Variants in BLK observed in about 807,000 individuals in gnomAD.
The protein encoded by BLK is tyrosine-protein kinase Blk.
BLK carries 64 observed loss-of-function variants against 61.8 expected under a neutral mutation model. That is an observed-to-expected ratio of 1.03 (90% confidence interval 0.85 to 1.27). The LOEUF (loss-of-function observed/expected upper bound fraction) is 1.27, where lower values mean the gene tolerates loss of function less well. BLK is among the 50% of genes most tolerant of loss of function. The pLI, the probability that BLK is intolerant of heterozygous loss-of-function variation, is 0.00. For synonymous variants in BLK, 351 were observed against 272.0 expected, an observed-to-expected ratio of 1.29 and a Z score of -2.86; for missense variants, 853 against 660.5, an observed-to-expected ratio of 1.29 and a Z score of -3.19.
intron 1 of BLK, chr8:11,509,328 A>G (rs1798905637): frequency 6.6e-6 from 1 of 151,986 alleles, no homozygotes; most frequent in Non-Finnish European, 1.5e-5. Context: ...ACCATCCACC[A>G]TCCACAGGGC....
intron 1 of BLK, among the ~76,000 whole-genome samples, chr8:11,522,429 G>T (rs927284813): frequency 6.6e-6 from 1 of 152,116 alleles, no homozygotes; most frequent in Admixed American, 6.5e-5. Context: ...AAATGGGTTC[G>T]ATCGCTTTGG....
At chr8:11,495,053 C>G (rs1252200018) in intron 1 of BLK, among the ~76,000 whole-genome samples, 1 of 152,156 alleles carries the variant, frequency 6.6e-6, no homozygotes, top group African/African-American at 2.4e-5. Flanking sequence ...TTGTTTGTTT[C>G]TGAATGAAGT....
chr8:11,546,696 C>A (rs935417964), intron 3 of BLK, among the ~76,000 whole-genome samples: 6 of 152,344 alleles, frequency 3.9e-5, no homozygotes, highest in African/African-American at 1.4e-4. Context: ...CTGCCTCAGC[C>A]TCCCAAGTAG....
chr8:11,506,991 G>A (rs538510757), intron 1 of BLK, among the ~76,000 whole-genome samples: 4 of 152,222 alleles, frequency 2.6e-5, no homozygotes, highest in East Asian at 1.9e-4. Context: ...CAGAACCATC[G>A]TGAATGGTTC....
intron 2 of BLK, among the ~76,000 whole-genome samples, chr8:11,543,713 C>A (rs1343591780): frequency 6.6e-6 from 1 of 152,176 alleles, no homozygotes; most frequent in Non-Finnish European, 1.5e-5. Context: ...GCTGGCATTC[C>A]AAAGAGCCTG....
intron 1 of BLK, among the ~76,000 whole-genome samples, chr8:11,506,835 T>G (rs754710925): frequency 5.3e-5 from 8 of 152,156 alleles, no homozygotes; most frequent in Non-Finnish European, 8.8e-5. Context: ...GCCCCCCAGG[T>G]GGGACTCTCA....
chr8:11,543,257 G>C lies in BLK; in HGVS notation c.33G>C (p.Lys11Asn), dbSNP rs147642493. 6.2e-7 allele frequency: 1 copy of C among 1,613,996 alleles called. No individual in the cohort carries two copies. The highest frequency in any genetic ancestry group is 1.7e-5 in the Admixed American group (1 of 60,020). The change falls in exon 2 of 13, where the codon AAG becomes AAC. Residue 11 changes from lysine to asparagine, a missense_variant. By Grantham distance (94) the Lys-to-Asn change is moderately conservative. Transcript: ENST00000259089. ...TGGTAAGTAGCAAAAAGCCGGACAA[G>C]GAAAAGCCGATCAAAGAGAAGGACA... MGLVSSKKPD[K>N]EKPIKEKDKG...
intron 3 of BLK, among the ~76,000 whole-genome samples, chr8:11,547,428 C>T (rs1268279160): frequency 2.6e-5 from 4 of 152,200 alleles, no homozygotes; most frequent in Non-Finnish European, 4.4e-5. Flanking sequence ...GCAGGGCTCA[C>T]TTGAAGATGG....
Position 11,523,769 on chromosome 8 carries a change from A to G in BLK, c.-1-19455A>G, listed in dbSNP as rs558359765. Among the ~76,000 whole-genome samples the G allele has an allele frequency of 2.5e-3, 380 of 152,304 alleles. 1 individual carries two copies. The highest frequency in any genetic ancestry group is 6.8e-3 in the Middle Eastern group (2 of 294). On this transcript the variant is annotated intron_variant, in intron 1 of 12. Transcript: ENST00000259089. ...AACACAAGTGGCTAATAAGTACATGATAAAATCAATAGAAAAGTAAATTAA... is the reference window on the plus strand; with the variant it reads ...AACACAAGTGGCTAATAAGTACATGGTAAAATCAATAGAAAAGTAAATTAA...
intron 1 of BLK, among the ~76,000 whole-genome samples, chr8:11,542,606 C>A (rs1429092910): frequency 6.6e-6 from 1 of 152,178 alleles, no homozygotes; most frequent in Non-Finnish European, 1.5e-5. Flanking sequence ...TCCTAAAATT[C>A]TTTACCAAAG....
chr8:11,538,033 T>G (rs534945057), intron 1 of BLK, among the ~76,000 whole-genome samples: 1 of 152,208 alleles, frequency 6.6e-6, no homozygotes, highest in African/African-American at 2.4e-5. Context: ...ACGGTGCACA[T>G]GCATGCTCTC....
intron 4 of BLK, 24 bp from the exon 5 acceptor site, chr8:11,549,000 C>G: frequency 6.3e-7 from 1 of 1,586,870 alleles, no homozygotes; most frequent in Non-Finnish European, 8.6e-7. Context: ...ATGATCTCAT[C>G]TCTGTTTCCC....
At chr8:11,496,975 C>A (rs1264443971) in intron 1 of BLK, among the ~76,000 whole-genome samples, 1 of 152,078 alleles carries the variant, frequency 6.6e-6, no homozygotes, top group Non-Finnish European at 1.5e-5. Context: ...CACCGGTGGC[C>A]AGCATCCTGG....
At chr8:11,511,825 C>T (rs2117289584) in intron 1 of BLK, among the ~76,000 whole-genome samples, 1 of 152,274 alleles carries the variant, frequency 6.6e-6, no homozygotes, top group East Asian at 1.9e-4. Context: ...GCTAATGATC[C>T]ATAATCAATA....
chr8:11,519,998 C>A (rs1799377483), intron 1 of BLK, among the ~76,000 whole-genome samples: 1 of 152,172 alleles, frequency 6.6e-6, no homozygotes, highest in Non-Finnish European at 1.5e-5. Flanking sequence ...GTAAAGAGCA[C>A]ACATCATTTT....
chr8:11,531,503 G>C (rs1393335574), intron 1 of BLK, among the ~76,000 whole-genome samples: 1 of 152,104 alleles, frequency 6.6e-6, no homozygotes, highest in Non-Finnish European at 1.5e-5. Flanking sequence ...CTTTAAAGCA[G>C]CTTTTAAGAT....
At chr8:11,560,686 T>G in intron 10 of BLK, 1 of 364,138 alleles carries the variant, frequency 2.7e-6, no homozygotes, top group Non-Finnish European at 5.5e-6. Context: ...TCTGTCCACC[T>G]GGATCTGCCA....
intron 1 of BLK, among the ~76,000 whole-genome samples, chr8:11,510,863 T>C (rs1798975361): frequency 1.3e-5 from 2 of 152,188 alleles, no homozygotes; most frequent in Admixed American, 6.5e-5. Flanking sequence ...CTTCTATTTC[T>C]ACTTTTTTAA....
intron 1 of BLK, among the ~76,000 whole-genome samples, chr8:11,517,581 C>T (rs1799277550): frequency 2.0e-5 from 3 of 152,250 alleles, no homozygotes; most frequent in Admixed American, 1.3e-4. Context: ...TCCCCGGCCT[C>T]ATCTGCTTTC....
Sources: gnomAD v4.1 joint callset for allele counts (sites outside exome capture counted in the v4.1 genomes callset) on GRCh38, gnomAD v4.1.1 for gene constraint, MANE v1.5 for transcripts, NCBI Gene and HGNC (gene_info 2026-07-23, HGNC 2026-07-21) for gene names.